The following CTNNB1 variants were observed in gnomAD, a reference collection of about 807,000 sequenced individuals.
The protein encoded by CTNNB1 is catenin beta 1, also known as catenin beta-1.
In CTNNB1, 6 loss-of-function variants were observed where a neutral mutation model predicts 82.5. The observed-to-expected ratio is 0.07, with a 90% CI of 0.04 to 0.14. The LOEUF is 0.14. CTNNB1 is among the 10% of genes least tolerant of loss of function. The pLI is 1.00. For synonymous variants in CTNNB1, 312 were observed against 329.7 expected, an observed-to-expected ratio of 0.95 and a Z score of 0.58; for missense variants, 529 against 980.4, an observed-to-expected ratio of 0.54 and a Z score of 6.15.
In CTNNB1 at chr3:41,239,180, C is replaced by T. The variant is rs1371089449; in HGVS notation, c.2184C>T (p.Ala728=). Residue 728 remains alanine, a synonymous_variant, in exon 15 of 15, where the codon GCC becomes GCT. Transcript: ENST00000349496. ...ACTCTGGTGGATATGGCCAGGATGCCTTGGGTATGGACCCCATGATGGAAC... is the reference window on the plus strand; with the variant it reads ...ACTCTGGTGGATATGGCCAGGATGCTTTGGGTATGGACCCCATGATGGAAC... ...SFHSGGYGQD[A]LGMDPMMEHE... 8.7e-6 allele frequency: 14 copies of T among 1,614,066 alleles called. No homozygotes were observed. The highest frequency in any genetic ancestry group is 1.1e-5 in the Non-Finnish European group (13 of 1,180,040).
At chr3:41,207,727 T>C (rs1442994885) in intron 1 of CTNNB1, among the ~76,000 whole-genome samples, 1 of 152,244 alleles carries the variant, frequency 6.6e-6, no homozygotes, top group East Asian at 1.9e-4. Context: ...CATTGTAACT[T>C]CTGGAACTCA....
chr3:41,229,799 T>C (rs1487666509), intron 7 of CTNNB1, among the ~76,000 whole-genome samples: 1 of 152,116 alleles, frequency 6.6e-6, no homozygotes, highest in African/African-American at 2.4e-5. Flanking sequence ...AGGCAACTTA[T>C]ATGTGGTACT....
intron 1 of CTNNB1, among the ~76,000 whole-genome samples, chr3:41,202,435 T>C (rs2077552626): frequency 6.6e-6 from 1 of 152,238 alleles, no homozygotes; most frequent in Admixed American, 6.5e-5. Flanking sequence ...TGTGACATTG[T>C]TTTTGAAAAT....
At chr3:41,205,558 C>G (rs1200808305) in intron 1 of CTNNB1, among the ~76,000 whole-genome samples, 1 of 152,010 alleles carries the variant, frequency 6.6e-6, no homozygotes, top group Admixed American at 6.5e-5. Context: ...TGCCTGTGAT[C>G]CCAGCTGCTT....
intron 1 of CTNNB1, among the ~76,000 whole-genome samples, chr3:41,213,129 G>T (rs2077833171): frequency 6.6e-6 from 1 of 152,212 alleles, no homozygotes; most frequent in Admixed American, 6.5e-5. Flanking sequence ...AGCTCTACGT[G>T]ATCTGGCTAT....
chr3:41,208,892 G>A (rs567422341), intron 1 of CTNNB1, among the ~76,000 whole-genome samples: 10 of 152,060 alleles, frequency 6.6e-5, no homozygotes, highest in South Asian at 2.1e-4. Flanking sequence ...TTTTTTCTCC[G>A]TCTCTCCTTC....
intron 1 of CTNNB1, among the ~76,000 whole-genome samples, chr3:41,200,684 A>C (rs1213813170): frequency 6.6e-6 from 1 of 152,168 alleles, no homozygotes; most frequent in East Asian, 1.9e-4. Context: ...AAGCATTGCA[A>C]CTTCTTTCAG....
chr3:41,217,301 C>T (rs1307523385), intron 1 of CTNNB1, among the ~76,000 whole-genome samples: 1 of 152,142 alleles, frequency 6.6e-6, no homozygotes, highest in African/African-American at 2.4e-5. Context: ...ACCTCATAAA[C>T]TTGTTTATTA....
chr3:41,208,417 T>C (rs2077699360), intron 1 of CTNNB1, among the ~76,000 whole-genome samples: 2 of 152,192 alleles, frequency 1.3e-5, no homozygotes, highest in African/African-American at 4.8e-5. Flanking sequence ...CATTGTCATA[T>C]CCTAGAATAT....
chr3:41,224,767 T>C lies in CTNNB1; in HGVS notation c.241+14T>C, dbSNP rs199795087. ...AACAAGTAGCTGGTAAGAGTATTATTTTTCATTGCCTTACTGAAAGTCAGA... is the reference window on the plus strand; with the variant it reads ...AACAAGTAGCTGGTAAGAGTATTATCTTTCATTGCCTTACTGAAAGTCAGA... On this transcript the variant is annotated intron_variant, in intron 3 of 14. Transcript: ENST00000349496. 57 of 1,610,200 alleles carry C rather than the reference T, an allele frequency of 3.5e-5. No homozygotes were observed. In the East Asian group the frequency reaches 1.2e-3, roughly 33 times the overall value.
chr3:41,237,589 CTCTG>C (rs2078467878), intron 13 of CTNNB1: 1 of 163,098 alleles, frequency 6.1e-6, no homozygotes, highest in Non-Finnish European at 1.3e-5. Flanking sequence ...TCACTGTCTT[CTCTG>C]TCTTAGTTAA....
At position 41,225,914 on chromosome 3, in the gene CTNNB1, G is replaced by A. The variant is rs992899285; in HGVS notation, c.936+53G>A. 3.1e-5 allele frequency: 47 copies of A among 1,512,456 alleles called. No homozygotes were observed. The highest frequency in any genetic ancestry group is 4.2e-5 in the Non-Finnish European group (46 of 1,094,040). The allele number at this position is 1,512,456 out of a possible 1,614,324, so 93.7% of individuals were successfully genotyped here. A position where few individuals can be genotyped will look rare whatever the true frequency, so the allele number is the denominator to read the frequency against. On this transcript the variant is annotated intron_variant, in intron 6 of 14. Coordinates refer to ENST00000349496, the MANE Select transcript of CTNNB1 (RefSeq NM_001904.4). The surrounding 1 kb of genome is among the most constrained non-coding windows in gnomAD (Gnocchi z 5.3). ...TCATGGAGCATTGGACACCTCCAGTGTCATGTCATTCCATGCAGTGTTCCT... is the reference window on the plus strand; with the variant it reads ...TCATGGAGCATTGGACACCTCCAGTATCATGTCATTCCATGCAGTGTTCCT...
At chr3:41,235,983 C>A in intron 11 of CTNNB1, 140 bp downstream of exon 11, 1 of 1,094,220 alleles carries the variant, frequency 9.1e-7, no homozygotes, top group Non-Finnish European at 1.4e-6. Context: ...ATTTTTTGGT[C>A]AGTAAGAGAA....
chr3:41,206,374 TACTA>T (rs2077649552), intron 1 of CTNNB1, among the ~76,000 whole-genome samples: 1 of 152,234 alleles, frequency 6.6e-6, no homozygotes, highest in Admixed American at 6.5e-5. Context: ...AAGCTTCTCT[TACTA>T]ACAGGGTTTT....
intron 7 of CTNNB1, among the ~76,000 whole-genome samples, chr3:41,230,310 C>T (rs1160218522): frequency 6.6e-6 from 1 of 152,074 alleles, no homozygotes; most frequent in Non-Finnish European, 1.5e-5. Context: ...TAATCAGAAT[C>T]CCTGGAGTGT....
intron 1 of CTNNB1, among the ~76,000 whole-genome samples, chr3:41,207,402 G>T (rs930189335): frequency 6.6e-6 from 1 of 152,090 alleles, no homozygotes; most frequent in Non-Finnish European, 1.5e-5. Flanking sequence ...TATTACATTT[G>T]TCTGAAAAGA....
At position 41,223,593 on chromosome 3, in the gene CTNNB1, T is replaced by A. The variant is rs1001826684; in HGVS notation, c.-48-428T>A. Reference sequence around the variant, plus strand: ...CTTGTTAAAGAAAATGTGGAGTTTTTAAAATCCCACTGTACCTCTGTTATC... The same window carrying A: ...CTTGTTAAAGAAAATGTGGAGTTTTAAAAATCCCACTGTACCTCTGTTATC... On this transcript the variant is annotated intron_variant, in intron 1 of 14. Transcript: ENST00000349496. Among the ~76,000 whole-genome samples, 8 of 152,306 alleles carry A rather than the reference T, an allele frequency of 5.3e-5. No homozygotes were observed. The South Asian group carries it at 1.2e-3, about 24-fold the overall frequency.
chr3:41,236,374 T>C lies in CTNNB1; in HGVS notation c.1829T>C (p.Ile610Thr). 1 of 1,614,176 alleles carries C rather than the reference T, an allele frequency of 6.2e-7. No individual in the cohort carries two copies. The highest frequency in any genetic ancestry group is 8.5e-7 in the Non-Finnish European group (1 of 1,180,014). Residue 610 changes from isoleucine to threonine, a missense_variant, in exon 12 of 15, where the codon ATC becomes ACC. Transcript: ENST00000349496. The part of the protein sequence containing the change: ...VQLLYSPIEN[I>T]QRVAAGVLCE... ...CTGCTTTATTCTCCCATTGAAAACA[T>C]CCAAAGAGTAGCTGCAGGGGTCCTC...
chr3:41,204,942 C>G lies in CTNNB1; in HGVS notation c.-49+5272C>G, dbSNP rs566572769. The stretch of plus-strand genomic sequence containing the variant: ...GTGTCAATTGATTATAGATTAGGAG[C>G]TTAAAAGCAAGATTTATATTATCAA... On this transcript the variant is annotated intron_variant, in intron 1 of 14. Coordinates refer to ENST00000349496, the MANE Select transcript of CTNNB1 (RefSeq NM_001904.4). Among the ~76,000 whole-genome samples, 12 of 152,236 alleles carry G rather than the reference C, an allele frequency of 7.9e-5. No individual in the cohort carries two copies. In the East Asian group the frequency reaches 2.3e-3, roughly 29 times the overall value.
Sources: gnomAD v4.1 joint callset for allele counts (sites outside exome capture counted in the v4.1 genomes callset) on GRCh38, gnomAD v4.1.1 for gene constraint, Gnocchi (gnomAD v3.1) non-coding constraint, MANE v1.5 for transcripts, NCBI Gene and HGNC (gene_info 2026-07-23, HGNC 2026-07-21) for gene names.